Variants in LRP2BP observed in about 807,000 individuals in gnomAD.
LRP2BP encodes the protein LRP2 binding protein, also known as LRP2-binding protein.
In LRP2BP, 38 loss-of-function variants were observed where a neutral mutation model predicts 45.2. The observed-to-expected ratio is 0.84, with a 90% CI of 0.65 to 1.10. The LOEUF (loss-of-function observed/expected upper bound fraction) is 1.10. Among genes scored for constraint, LRP2BP ranks in the 50% least tolerant of loss-of-function variants. The pLI, the probability that LRP2BP is intolerant of heterozygous loss-of-function variation, is 0.00. For missense variants in LRP2BP, 385 were observed against 418.9 expected, an observed-to-expected ratio of 0.92 and a Z score of 0.71; for synonymous variants, 153 against 153.9, an observed-to-expected ratio of 0.99 and a Z score of 0.04.
At chr4:185,397,249 C>G (rs759453185), upstream of LRP2BP, 1 of 1,614,150 alleles carries the variant, frequency 6.2e-7, no homozygotes, top group Admixed American at 1.7e-5. Context: ...AGGAAGCGGC[C>G]TTGCTTGCTT....
At chr4:185,378,014 T>A (rs1019406551) in intron 2 of LRP2BP, 67 bp downstream of exon 2, 7 of 1,244,924 alleles carry the variant, frequency 5.6e-6, no homozygotes, top group Non-Finnish European at 8.1e-6. Context: ...TTGTCTCGTT[T>A]GCTCTAGCAT....
At chr4:185,369,363 A>G (rs974413528) in intron 8 of LRP2BP, among the ~76,000 whole-genome samples, 3 of 140,740 alleles carry the variant, frequency 2.1e-5, no homozygotes, top group Admixed American at 7.2e-5. Context: ...GTTTACAGGC[A>G]CACATTGCCA....
chr4:185,373,155 A>C, intron 6 of LRP2BP, 76 bp from the exon 7 acceptor site: 1 of 1,333,806 alleles, frequency 7.5e-7, no homozygotes, highest in South Asian at 1.3e-5. Flanking sequence ...GACAGAAAAG[A>C]ACTCTGTGTT....
chr4:185,393,710 G>T (rs778305541), intron 1 of LRP2BP, among the ~76,000 whole-genome samples: 1 of 152,038 alleles, frequency 6.6e-6, no homozygotes, highest in South Asian at 2.1e-4. Flanking sequence ...ATTTTTAGTA[G>T]AGACGGGGTT....
At position 185,364,151 on chromosome 4, in the gene LRP2BP, G is replaced by A. The variant is rs2095378434; in HGVS notation, c.*3029C>T. 6.6e-6 allele frequency: 1 copy of A among 152,222 alleles called. No homozygotes were observed. Among genetic ancestry groups the A allele is most frequent in the Non-Finnish European group, 1.5e-5 (1 of 68,064 alleles). 9.4% of individuals were successfully genotyped at this position (152,222 alleles called of 1,614,324 possible). On this transcript the variant is annotated 3_prime_UTR_variant, in exon 9 of 9. Coordinates refer to ENST00000505916, the MANE Select transcript of LRP2BP (RefSeq NM_001377440.1). ...AAATCTGTAAAATATATGATTTTTA[G>A]TGAGCAGAAAGAGCCAAATTAGTGC...
chr4:185,369,921 C>T lies in LRP2BP; in HGVS notation c.978+719G>A, dbSNP rs375699943. 1.3e-5 allele frequency: 4 copies of T among 299,034 alleles called. No homozygotes were observed. In the Middle Eastern group the frequency reaches 1.2e-3, roughly 90 times the overall value. 18.5% of individuals were successfully genotyped at this position (299,034 alleles called of 1,614,324 possible). A position where few individuals can be genotyped will look rare whatever the true frequency, so the allele number is the denominator to read the frequency against. On this transcript the variant is annotated intron_variant, in intron 8 of 8. Coordinates refer to ENST00000505916, the MANE Select transcript of LRP2BP (RefSeq NM_001377440.1). ...AGCCAAGGGACTCAGAAGACTCCCC[C>T]ACTCAGGCTGAACAATCTGTGTTCC... is the stretch of plus-strand genomic sequence containing the variant.
At chr4:185,378,258 G>A in intron 1 of LRP2BP, 51 bp from the exon 2 acceptor site, 2 of 1,594,354 alleles carry the variant, frequency 1.3e-6, no homozygotes, top group Admixed American at 3.6e-5. Context: ...CTCCAGCGAA[G>A]TGCAAAGAGA....
intron 1 of LRP2BP, among the ~76,000 whole-genome samples, chr4:185,379,277 G>A (rs925291840): frequency 2.0e-5 from 3 of 152,164 alleles, no homozygotes; most frequent in Admixed American, 2.0e-4. Flanking sequence ...TTTACTTAGG[G>A]TGAAGCAATA....
At chr4:185,372,826 C>A in intron 7 of LRP2BP, 30 bp downstream of exon 7, 1 of 1,509,058 alleles carries the variant, frequency 6.6e-7, no homozygotes, top group South Asian at 1.2e-5. Context: ...TATTCTGTTA[C>A]AGCAGCACAG....
Position 185,367,181 on chromosome 4 carries a change from TA to T in LRP2BP, c.1042del (p.Ter348ArgfsTer42). 6.2e-7 allele frequency: 1 copy of T among 1,612,048 alleles called. No individual in the cohort carries two copies. The highest frequency in any genetic ancestry group is 1.1e-5 in the South Asian group (1 of 90,770). ...LHSLLIRQRI[*>X] ...ATCTTTGTTGAAATACATTGTGGTC[TA>T]AATTCTTTGACGAATAAGTAAGGAG... On this transcript the variant is annotated frameshift_variant and stop_lost, in exon 9 of 9. Transcript: ENST00000505916. LOFTEE classifies it high-confidence loss of function.
At chr4:185,367,666 G>C (rs1345295500) in intron 8 of LRP2BP, among the ~76,000 whole-genome samples, 4 of 152,014 alleles carry the variant, frequency 2.6e-5, no homozygotes, top group Non-Finnish European at 5.9e-5. Context: ...TAGTGACAAG[G>C]TGCATAATTT....
At chr4:185,388,043 G>A (rs1194870586) in intron 1 of LRP2BP, among the ~76,000 whole-genome samples, 1 of 152,228 alleles carries the variant, frequency 6.6e-6, no homozygotes, top group Non-Finnish European at 1.5e-5. Context: ...TGCCCCCGTG[G>A]TGTGTAGACT....
chr4:185,371,366 C>CT (rs1487981714), intron 7 of LRP2BP, among the ~76,000 whole-genome samples: 3 of 151,648 alleles, frequency 2.0e-5, no homozygotes, highest in African/African-American at 7.3e-5. Context: ...GGTGAAACCC[C>CT]GTCTCTACTA....
chr4:185,366,878 G>A lies in LRP2BP; in HGVS notation c.*302C>T, dbSNP rs1178886045. On this transcript the variant is annotated 3_prime_UTR_variant, in exon 9 of 9. Coordinates refer to ENST00000505916, the MANE Select transcript of LRP2BP (RefSeq NM_001377440.1). ...AACTAAGTATTTTTGGAGACTCGGT[G>A]TTTAAGAAAGGATAAACGATACTTG... The A allele has an allele frequency of 5.0e-6, 1 of 201,974 alleles. No homozygotes were observed. The highest frequency in any genetic ancestry group is 2.3e-5 in the African/African-American group (1 of 43,360). 12.5% of individuals were successfully genotyped at this position (201,974 alleles called of 1,614,324 possible). A position where few individuals can be genotyped will look rare whatever the true frequency, so the allele number is the denominator to read the frequency against.
rs575492895 is a variant in LRP2BP, at chr4:185,364,467, A to G, written c.*2713T>C. 7.2e-5 allele frequency: 11 copies of G among 152,344 alleles called. No homozygotes were observed. Among genetic ancestry groups the G allele is most frequent in the Admixed American group, 6.5e-4 (10 of 15,298 alleles). 9.4% of individuals were successfully genotyped at this position (152,344 alleles called of 1,614,324 possible). A position where few individuals can be genotyped will look rare whatever the true frequency, so the allele number is the denominator to read the frequency against. On this transcript the variant is annotated 3_prime_UTR_variant, in exon 9 of 9. Coordinates refer to ENST00000505916, the MANE Select transcript of LRP2BP (RefSeq NM_001377440.1). ...ATATTGAAAACAAAACAATTAAACA[A>G]GTAACAGGTAAAAATTCCATTTGAA...
rs1298314778 is a variant in LRP2BP at position 185,367,187 on chromosome 4, C to A, written c.1037G>T (p.Arg346Ile). 3.1e-6 allele frequency: 5 copies of A among 1,612,338 alleles called. No individual in the cohort carries two copies. The Admixed American group carries it at 8.3e-5, about 27-fold the overall frequency. The change falls in exon 9 of 9, where the codon AGA becomes ATA. Residue 346 changes from arginine (R) to isoleucine (I), a missense_variant. By Grantham distance (97) the Arg-to-Ile change is moderately conservative. Coordinates refer to ENST00000505916, the MANE Select transcript of LRP2BP (RefSeq NM_001377440.1). ...GTTGAAATACATTGTGGTCTAAATT[C>A]TTTGACGAATAAGTAAGGAGTGAAG... Reference protein sequence around the residue: ...DELHSLLIRQRI With the variant: ...DELHSLLIRQII
Position 185,372,631 on chromosome 4 carries a change from C to G in LRP2BP, c.803+225G>C, listed in dbSNP as rs578193401. Among the ~76,000 whole-genome samples the G allele has an allele frequency of 3.3e-5, 5 of 152,292 alleles. No homozygotes were observed. In the South Asian group the frequency reaches 6.2e-4, roughly 19 times the overall value. On this transcript the variant is annotated intron_variant, in intron 7 of 8. Transcript: ENST00000505916. The stretch of plus-strand genomic sequence containing the variant: ...AAGAGGTGGGGCTCTTAAGAGGCGA[C>G]GAGGCCATGAGAGCACCTCCCTCAT...
upstream of LRP2BP, chr4:185,396,469 T>C: frequency 6.2e-6 from 1 of 161,810 alleles, no homozygotes; most frequent in Non-Finnish European, 1.3e-5. Flanking sequence ...CGTGTCAAAC[T>C]CAGCGCGCCT....
chr4:185,384,450 A>G (rs534136161), intron 1 of LRP2BP, among the ~76,000 whole-genome samples: 1 of 152,228 alleles, frequency 6.6e-6, no homozygotes, highest in South Asian at 2.1e-4. Flanking sequence ...TTAACTTTCA[A>G]TGGGCCAAGT....
Sources: allele counts gnomAD v4.1 joint callset (sites outside exome capture counted in the v4.1 genomes callset), GRCh38; gene constraint gnomAD v4.1.1; transcripts MANE v1.5; gene names NCBI Gene and HGNC (gene_info 2026-07-23, HGNC 2026-07-21).